The following SLC36A2 variants were observed in gnomAD, a reference collection of about 807,000 sequenced individuals.
SLC36A2 encodes solute carrier family 36 member 2.
Under a neutral mutation model 42.7 loss-of-function variants are expected in SLC36A2, and 39 were observed. The observed-to-expected ratio is 0.91, with a 90% CI of 0.71 to 1.19. The LOEUF (loss-of-function observed/expected upper bound fraction) is 1.19, where lower values mean the gene tolerates loss of function less well. Ranked by LOEUF, SLC36A2 falls within the 50% of genes most tolerant of loss-of-function variation. SLC36A2 has a pLI of 0.00. For synonymous variants in SLC36A2, 237 were observed against 240.8 expected (o/e 0.98, Z 0.15); for missense variants, 590 against 613.7 (o/e 0.96, Z 0.41).
intron 4 of SLC36A2, 78 bp downstream of exon 4, chr5:151,342,810 A>G: frequency 7.9e-7 from 1 of 1,264,504 alleles, no homozygotes; most frequent in Non-Finnish European, 1.2e-6. Flanking sequence ...CCACCTTTCC[A>G]GGGAAGAAGT....
At chr5:151,328,113 C>G (rs1156595556) in intron 7 of SLC36A2, among the ~76,000 whole-genome samples, 1 of 152,238 alleles carries the variant, frequency 6.6e-6, no homozygotes, top group Non-Finnish European at 1.5e-5. Context: ...CATTCTGCCT[C>G]CAAAGTTACC....
At chr5:151,320,959 C>T (rs944921123) in intron 9 of SLC36A2, among the ~76,000 whole-genome samples, 2 of 152,270 alleles carry the variant, frequency 1.3e-5, no homozygotes, top group African/African-American at 4.8e-5. Flanking sequence ...ACCTCTGACA[C>T]TTTCTGGCCA....
chr5:151,345,450 C>A (rs1031706519), intron 1 of SLC36A2, among the ~76,000 whole-genome samples: 1 of 152,172 alleles, frequency 6.6e-6, no homozygotes, highest in African/African-American at 2.4e-5. Flanking sequence ...TTAAAAGAAT[C>A]TATGGGCAGA....
chr5:151,317,218 T>G, intron 9 of SLC36A2, 130 bp from the exon 10 acceptor site: 1 of 1,173,290 alleles, frequency 8.5e-7, no homozygotes, highest in Non-Finnish European at 1.2e-6. Flanking sequence ...TTGGGAGGCC[T>G]AGATGGGTGG....
Position 151,316,808 on chromosome 5 carries a change from G to T in SLC36A2, c.*9C>A, listed in dbSNP as rs767031823. Reference sequence around the variant, plus strand: ...GTCGGGTGCTGGTAGGCAAGGAGCAGTGCCAGGCTCACCGAACAAAAGTGG... The same window carrying T: ...GTCGGGTGCTGGTAGGCAAGGAGCATTGCCAGGCTCACCGAACAAAAGTGG... On this transcript the variant is annotated 3_prime_UTR_variant, in exon 10 of 10. Coordinates refer to ENST00000335244, the MANE Select transcript of SLC36A2 (RefSeq NM_181776.3). 13 of 1,612,188 alleles carry T rather than the reference G, an allele frequency of 8.1e-6. No individual in the cohort carries two copies. The Admixed American group carries it at 2.2e-4, about 27-fold the overall frequency.
At position 151,322,100 on chromosome 5, in the gene SLC36A2, G is replaced by C. The variant is rs140044970; in HGVS notation, c.1126C>G (p.Arg376Gly). Reference protein sequence around the residue: ...IPFAISRVSTRWALPLDLSIR... With the variant: ...IPFAISRVSTGWALPLDLSIR... ...GACAGATCCAGAGGCAGTGCCCAGCGTGTTGACACCCGGGAGATGGCAAAG... is the reference window on the plus strand; with the variant it reads ...GACAGATCCAGAGGCAGTGCCCAGCCTGTTGACACCCGGGAGATGGCAAAG... Residue 376 changes from arginine (R) to glycine (G), a missense_variant, in exon 9 of 10, where the codon CGC (arginine) becomes GGC (glycine). Transcript: ENST00000335244. 5 of 1,614,206 alleles carry C rather than the reference G, an allele frequency of 3.1e-6. No homozygotes were observed. Among genetic ancestry groups the C allele is most frequent in the Admixed American group, 3.3e-5 (2 of 60,028 alleles).
chr5:151,316,682 G>C lies in SLC36A2; in HGVS notation c.*135C>G. On this transcript the variant is annotated 3_prime_UTR_variant, in exon 10 of 10. Transcript: ENST00000335244. ...TTGAACCCAGGAGGCCGAAGTTGTGGTGAGCTGAGATCGCATCATTGTACT... is the reference window on the plus strand; with the variant it reads ...TTGAACCCAGGAGGCCGAAGTTGTGCTGAGCTGAGATCGCATCATTGTACT... The C allele has an allele frequency of 8.8e-7, 1 of 1,139,970 alleles. No individual in the cohort carries two copies. The allele number at this position is 1,139,970 out of a possible 1,614,324, so 70.6% of individuals were successfully genotyped here. A position where few individuals can be genotyped will look rare whatever the true frequency, so the allele number is the denominator to read the frequency against.
chr5:151,345,532 G>A (rs1756466742), intron 1 of SLC36A2, among the ~76,000 whole-genome samples: 1 of 152,120 alleles, frequency 6.6e-6, no homozygotes, highest in Non-Finnish European at 1.5e-5. Context: ...ATTCATCAAG[G>A]GTTAAAGAGA....
In SLC36A2 at chr5:151,343,003, A is replaced by T. The variant is rs1297338768; in HGVS notation, c.345-20T>A. The T allele has an allele frequency of 6.3e-7, 1 of 1,596,800 alleles. No individual in the cohort carries two copies. Among genetic ancestry groups the T allele is most frequent in the Admixed American group, 1.7e-5 (1 of 59,910 alleles). ...TTAAGCCTGCAGGAGAGAGTGCATA[A>T]ACGGTTTCCAAGAGATAGTTTAGCC... On this transcript the variant is annotated intron_variant, in intron 3 of 9. Transcript: ENST00000335244.
intron 9 of SLC36A2, among the ~76,000 whole-genome samples, chr5:151,317,625 C>T (rs561715186): frequency 3.3e-5 from 5 of 152,210 alleles, no homozygotes; most frequent in African/African-American, 1.2e-4. Context: ...CCCAGCTATT[C>T]GGGAGGCTGA....
At chr5:151,343,012 C>T in intron 3 of SLC36A2, 29 bp from the exon 4 acceptor site, 1 of 1,574,194 alleles carries the variant, frequency 6.4e-7, no homozygotes, top group Non-Finnish European at 8.7e-7. Flanking sequence ...AAACGGTTTC[C>T]AAGAGATAGT....
intron 4 of SLC36A2, 135 bp downstream of exon 4, chr5:151,342,753 A>G (rs1344512550): frequency 1.2e-5 from 9 of 723,292 alleles, no homozygotes; most frequent in East Asian, 5.4e-5. Flanking sequence ...GATGTTGCCA[A>G]TGAACCCCTT....
intron 7 of SLC36A2, among the ~76,000 whole-genome samples, chr5:151,331,330 G>C (rs746669233): frequency 8.0e-5 from 12 of 150,534 alleles, no homozygotes; most frequent in Non-Finnish European, 1.5e-4. Flanking sequence ...GTTTTGTTTT[G>C]TTTTAAGACA....
chr5:151,342,399 G>C lies in SLC36A2; in HGVS notation c.440+489C>G, dbSNP rs115378254. Among the ~76,000 whole-genome samples, 1,013 of 152,156 alleles carry C rather than the reference G, an allele frequency of 6.7e-3. 9 individuals carry two copies. Among genetic ancestry groups the C allele is most frequent in the African/African-American group, 0.024 (977 of 41,504 alleles). On this transcript the variant is annotated intron_variant, in intron 4 of 9. Transcript: ENST00000335244. ...TCATTCTTCAGGACTCCTTCCTGCA[G>C]AACTCATCTCACCCGTTCCATCCTA...
intron 9 of SLC36A2, 125 bp downstream of exon 9, chr5:151,321,921 A>G (rs1285612827): frequency 3.2e-6 from 4 of 1,236,298 alleles, no homozygotes; most frequent in Non-Finnish European, 4.7e-6. Context: ...CAGGTGATCC[A>G]CCCGCCTCGG....
At chr5:151,346,837 C>T (rs1422436371) in intron 1 of SLC36A2, among the ~76,000 whole-genome samples, 1 of 152,156 alleles carries the variant, frequency 6.6e-6, no homozygotes, top group African/African-American at 2.4e-5. Flanking sequence ...AAGTAGAGGC[C>T]AGGCTTACTG....
rs764555590 is a variant in SLC36A2 at position 151,335,504 on chromosome 5, T to C, written c.569A>G (p.Asn190Ser). The C allele has an allele frequency of 2.7e-5, 43 of 1,613,930 alleles. No homozygotes were observed. Among genetic ancestry groups the C allele is most frequent in the Non-Finnish European group, 3.4e-5 (40 of 1,179,988 alleles). The change falls in exon 6 of 10, where the codon AAT (asparagine) becomes AGT (serine). Residue 190 changes from asparagine (N) to serine (S), a missense_variant. Physicochemically the swap from Asn to Ser is conservative, Grantham distance 46. Transcript: ENST00000335244. ...VNSTTNNCYS[N>S]ETVILTPTMD... ...GGTGGGGGTCAGAATCACCGTCTCA[T>C]TGGAATAGCAGTTGTTGGTTGTGCT...
intron 4 of SLC36A2, among the ~76,000 whole-genome samples, chr5:151,340,102 A>G (rs1429487645): frequency 7.3e-6 from 1 of 137,294 alleles, no homozygotes; most frequent in African/African-American, 3.5e-5. Context: ...AAAAGAGGAG[A>G]AGGAGGAGGA....
chr5:151,346,641 G>A lies in SLC36A2; in HGVS notation c.164+656C>T, dbSNP rs1436933030. ...ACACCTTTTGTTCCTAAGTAAACTA[G>A]CAAGTCTGGTTGGGTGGTGGGGTCA... On this transcript the variant is annotated intron_variant, in intron 1 of 9. Transcript: ENST00000335244. Among the ~76,000 whole-genome samples the A allele has an allele frequency of 2.0e-5, 3 of 152,156 alleles. No homozygotes were observed. In the East Asian group the frequency reaches 5.8e-4, roughly 29 times the overall value.
Sources: gnomAD v4.1 joint callset for allele counts (sites outside exome capture counted in the v4.1 genomes callset) on GRCh38, gnomAD v4.1.1 for gene constraint, MANE v1.5 for transcripts, NCBI Gene and HGNC (gene_info 2026-07-23, HGNC 2026-07-21) for gene names.